Variants in DCUN1D4 observed in about 807,000 individuals in gnomAD.
The protein encoded by DCUN1D4 is defective in cullin neddylation 1 domain containing 4.
A neutral mutation model predicts 47.9 loss-of-function variants in DCUN1D4; 22 were observed. The ratio of observed to expected loss-of-function variants is 0.46; its 90% confidence interval spans 0.33 to 0.66. DCUN1D4 has a LOEUF of 0.66. Ranked by LOEUF, DCUN1D4 falls within the 30% of genes least tolerant of loss-of-function variation. The pLI, the probability that DCUN1D4 is intolerant of heterozygous loss-of-function variation, is 0.02. For missense variants in DCUN1D4, 301 were observed against 340.8 expected (o/e 0.88, Z 0.92); for synonymous variants, 121 against 112.2 (o/e 1.08, Z -0.50).
At chr4:51,870,298 G>T (rs952999064) in intron 3 of DCUN1D4, among the ~76,000 whole-genome samples, 3 of 151,850 alleles carry the variant, frequency 2.0e-5, no homozygotes, top group Non-Finnish European at 4.4e-5. Context: ...ATACAAATTT[G>T]TAGAAATTAT....
At chr4:51,879,134 G>T (rs569353056) in intron 5 of DCUN1D4, among the ~76,000 whole-genome samples, 13 of 152,264 alleles carry the variant, frequency 8.5e-5, no homozygotes, top group African/African-American at 2.9e-4. Context: ...CTTTCTAATG[G>T]ATTCTCTGTC....
At chr4:51,856,218 C>A (rs898805004) in intron 1 of DCUN1D4, among the ~76,000 whole-genome samples, 1 of 152,140 alleles carries the variant, frequency 6.6e-6, no homozygotes, top group Non-Finnish European at 1.5e-5. Context: ...AGGTTTATTT[C>A]ATCATTTTCA....
At chr4:51,895,210 A>G (rs1731052991) in intron 7 of DCUN1D4, among the ~76,000 whole-genome samples, 1 of 152,264 alleles carries the variant, frequency 6.6e-6, no homozygotes, top group African/African-American at 2.4e-5. Context: ...TTAAAAAAAA[A>G]AAAAGGTTAC....
upstream of DCUN1D4, among the ~76,000 whole-genome samples, chr4:51,840,609 T>G (rs2109761783): frequency 1.3e-5 from 2 of 152,328 alleles, no homozygotes; most frequent in South Asian, 4.1e-4. Flanking sequence ...GATCTAAAAT[T>G]TCATGTACGG....
rs564926945 is a variant in DCUN1D4, at chr4:51,878,230, G to A, written c.343+376G>A. 9.9e-5 allele frequency among the ~76,000 whole-genome samples: 15 copies of A among 151,784 alleles called. No individual in the cohort carries two copies. The East Asian group carries it at 1.2e-3, about 12-fold the overall frequency. On this transcript the variant is annotated intron_variant, in intron 5 of 10. Coordinates refer to ENST00000334635, the MANE Select transcript of DCUN1D4 (RefSeq NM_001040402.3). The stretch of plus-strand genomic sequence containing the variant: ...GTGCAGTGAAATTTCTTTATATTAA[G>A]TGTTTCTATTTGGAAAGATCATTTG...
chr4:51,844,198 C>T (rs1317301540), intron 1 of DCUN1D4, among the ~76,000 whole-genome samples: 1 of 146,494 alleles, frequency 6.8e-6, no homozygotes, highest in Non-Finnish European at 1.5e-5. Context: ...CGTCCAGATT[C>T]GGTCCGGAGC....
Position 51,913,068 on chromosome 4 carries a change from C to T in DCUN1D4, c.721-222C>T, listed in dbSNP as rs555194803. ...AATCATGTTATTTTGATGTGCTTTC[C>T]ATTTTGTATTGAGACCCTGTCATAT... On this transcript the variant is annotated intron_variant, in intron 9 of 10. Transcript: ENST00000334635. Among the ~76,000 whole-genome samples the T allele has an allele frequency of 2.6e-5, 4 of 152,114 alleles. No individual in the cohort carries two copies. In the South Asian group the frequency reaches 8.3e-4, roughly 32 times the overall value.
intron 3 of DCUN1D4, among the ~76,000 whole-genome samples, chr4:51,868,434 G>A (rs777330959): frequency 4.6e-5 from 7 of 152,210 alleles, no homozygotes; most frequent in Non-Finnish European, 7.3e-5. Flanking sequence ...TACCTTGTAA[G>A]TGCCCAGTCA....
At chr4:51,859,950 G>A (rs1014065014) in intron 1 of DCUN1D4, among the ~76,000 whole-genome samples, 3 of 152,052 alleles carry the variant, frequency 2.0e-5, no homozygotes, top group South Asian at 2.1e-4. Context: ...TCCAGAATAC[G>A]TTCTCGGTAA....
At chr4:51,876,510 G>A (rs534897637) in intron 4 of DCUN1D4, among the ~76,000 whole-genome samples, 9 of 152,002 alleles carry the variant, frequency 5.9e-5, no homozygotes, top group East Asian at 1.9e-4. Flanking sequence ...CATGGCACAC[G>A]TATACATATG....
At chr4:51,851,144 C>T (rs1723300757) in intron 1 of DCUN1D4, among the ~76,000 whole-genome samples, 1 of 152,210 alleles carries the variant, frequency 6.6e-6, no homozygotes, top group African/African-American at 2.4e-5. Context: ...CATTCCCTCA[C>T]TCAGCCATTC....
intron 2 of DCUN1D4, 21 bp from the exon 3 acceptor site, chr4:51,863,649 T>G: frequency 6.2e-7 from 1 of 1,611,936 alleles, no homozygotes; most frequent in Non-Finnish European, 8.5e-7. Flanking sequence ...TTCTTCGTAA[T>G]AACGAACATA....
chr4:51,851,934 TC>T (rs1723441093), intron 1 of DCUN1D4, among the ~76,000 whole-genome samples: 2 of 152,220 alleles, frequency 1.3e-5, no homozygotes, highest in South Asian at 4.1e-4. Context: ...TTGGTAACCC[TC>T]TACTGCCACT....
intron 1 of DCUN1D4, chr4:51,843,502 G>A (rs1215744246): frequency 4.0e-5 from 52 of 1,290,588 alleles, no homozygotes; most frequent in Non-Finnish European, 4.5e-5. Context: ...AGGTGAGGGG[G>A]GTGGGGACTG....
chr4:51,882,104 C>G (rs1048981720), intron 5 of DCUN1D4, among the ~76,000 whole-genome samples: 10 of 32,698 alleles, frequency 3.1e-4, no homozygotes, highest in African/African-American at 1.4e-3. Context: ...CTTTGACAGT[C>G]ATGCCATTGC....
chr4:51,898,466 A>G (rs916601477), intron 7 of DCUN1D4, among the ~76,000 whole-genome samples: 24 of 152,230 alleles, frequency 1.6e-4, no homozygotes, highest in African/African-American at 4.3e-4. Context: ...GTGGTGTACA[A>G]TACACATTGA....
intron 8 of DCUN1D4, among the ~76,000 whole-genome samples, chr4:51,900,331 CCTT>C (rs1404137360): frequency 5.3e-5 from 8 of 151,970 alleles, no homozygotes; most frequent in African/African-American, 7.3e-5. Flanking sequence ...ATTATTACAA[CCTT>C]CTAGTTAAAT....
intron 8 of DCUN1D4, among the ~76,000 whole-genome samples, chr4:51,901,658 G>C (rs769033290): frequency 1.3e-5 from 2 of 152,180 alleles, no homozygotes; most frequent in African/African-American, 4.8e-5. Flanking sequence ...GCCTGTCGGG[G>C]TGGGATTGTG....
intron 6 of DCUN1D4, among the ~76,000 whole-genome samples, chr4:51,891,294 G>A (rs546826462): frequency 3.3e-5 from 5 of 152,226 alleles, no homozygotes; most frequent in Non-Finnish European, 4.4e-5. Flanking sequence ...GAATGTATTC[G>A]GCAAAGAAGT....
Sources: gnomAD v4.1 joint callset for allele counts (sites outside exome capture counted in the v4.1 genomes callset) on GRCh38, gnomAD v4.1.1 for gene constraint, MANE v1.5 for transcripts, NCBI Gene and HGNC (gene_info 2026-07-23, HGNC 2026-07-21) for gene names.